LTBP1: variants seen among roughly 807,000 people sequenced by gnomAD.
LTBP1 encodes the protein latent-transforming growth factor beta-binding protein 1.
In LTBP1, 129 loss-of-function variants were observed where a neutral mutation model predicts 207.6. The ratio of observed to expected loss-of-function variants is 0.62; its 90% confidence interval spans 0.54 to 0.72. The LOEUF is 0.72. Ranked by LOEUF, LTBP1 falls within the 30% of genes least tolerant of loss-of-function variation. The probability of loss-of-function intolerance (pLI) is 0.00; values close to 1 mark genes in which losing one functional copy is unlikely to be tolerated. For missense variants in LTBP1, 2,281 were observed against 2,217.2 expected (o/e 1.03, Z -0.58); for synonymous variants, 963 against 833.7 (o/e 1.16, Z -2.67).
chr2:33,045,496 T>C (rs2076398272), intron 3 of LTBP1, among the ~76,000 whole-genome samples: 1 of 152,232 alleles, frequency 6.6e-6, no homozygotes, highest in African/African-American at 2.4e-5. Flanking sequence ...ACCAGTACAA[T>C]GCTGTTTTGG....
intron 3 of LTBP1, among the ~76,000 whole-genome samples, chr2:33,031,168 A>T (rs754403308): frequency 3.9e-5 from 6 of 152,198 alleles, no homozygotes; most frequent in African/African-American, 9.6e-5. Context: ...GTCCATGAGG[A>T]CAAGAATACA....
chr2:33,199,631 T>C (rs1455448793), intron 7 of LTBP1, among the ~76,000 whole-genome samples: 1 of 152,112 alleles, frequency 6.6e-6, no homozygotes, highest in Non-Finnish European at 1.5e-5. Flanking sequence ...CCAGGGCAAT[T>C]AGGCAGGAGA....
chr2:33,261,026 A>T (rs1356062412), intron 13 of LTBP1, among the ~76,000 whole-genome samples: 1 of 152,226 alleles, frequency 6.6e-6, no homozygotes. Flanking sequence ...TGGATGAAGA[A>T]AAGAAAGGAT....
At chr2:33,091,050 C>T (rs1326376587) in intron 3 of LTBP1, among the ~76,000 whole-genome samples, 1 of 152,184 alleles carries the variant, frequency 6.6e-6, no homozygotes, top group Non-Finnish European at 1.5e-5. Flanking sequence ...TAAGAACCAT[C>T]TAGGAATGCT....
intron 24 of LTBP1, among the ~76,000 whole-genome samples, chr2:33,323,221 G>A (rs1257322551): frequency 6.6e-6 from 1 of 152,058 alleles, no homozygotes; most frequent in East Asian, 1.9e-4. Flanking sequence ...AAAAAAACCC[G>A]ATTTTATAAT....
intron 5 of LTBP1, among the ~76,000 whole-genome samples, chr2:33,139,892 G>A (rs78733380): frequency 0.036 from 5,458 of 152,308 alleles, 134 homozygotes; most frequent in East Asian, 0.055. Flanking sequence ...ATTGGTGCAA[G>A]GCTGTGGAAC....
intron 24 of LTBP1, among the ~76,000 whole-genome samples, chr2:33,340,654 T>A (rs2094607766): frequency 6.6e-6 from 1 of 152,030 alleles, no homozygotes; most frequent in Non-Finnish European, 1.5e-5. Flanking sequence ...GGAAGTAAGA[T>A]TCTAGGTCAT....
chr2:33,389,141 A>C lies in LTBP1; in HGVS notation c.4712-43A>C. 4 of 1,612,826 alleles carry C rather than the reference A, an allele frequency of 2.5e-6. No individual in the cohort carries two copies. In the Admixed American group the frequency reaches 6.7e-5, roughly 27 times the overall value. ...GCTGCGAGGGGGTGGGGCAGGTGCG[A>C]GCTAACAGTGGTGGGGCCTCATGCT... On this transcript the variant is annotated intron_variant, in intron 31 of 33. Transcript: ENST00000404816.
intron 19 of LTBP1, among the ~76,000 whole-genome samples, chr2:33,282,002 T>C (rs2148589173): frequency 6.6e-6 from 1 of 151,318 alleles, no homozygotes; most frequent in South Asian, 2.1e-4. Flanking sequence ...ACTGATCAAA[T>C]TGGCAAGTGA....
intron 24 of LTBP1, 25 bp downstream of exon 24, chr2:33,315,294 A>G: frequency 6.2e-7 from 1 of 1,609,550 alleles, no homozygotes. Flanking sequence ...ACGAAATCAT[A>G]TTGTTGTGTG....
chr2:33,024,543 AC>A (rs1276486303), intron 3 of LTBP1, among the ~76,000 whole-genome samples: 4 of 152,188 alleles, frequency 2.6e-5, no homozygotes, highest in Admixed American at 2.0e-4. Flanking sequence ...AATTGGTTTT[AC>A]CTTTGGCTGA....
chr2:33,245,605 A>G (rs906428734), intron 10 of LTBP1, among the ~76,000 whole-genome samples: 3 of 152,200 alleles, frequency 2.0e-5, no homozygotes, highest in African/African-American at 7.2e-5. Flanking sequence ...ATAAAATTAC[A>G]TTTGCACACA....
chr2:33,219,510 T>C (rs2090952612), intron 8 of LTBP1, among the ~76,000 whole-genome samples: 1 of 152,216 alleles, frequency 6.6e-6, no homozygotes, highest in African/African-American at 2.4e-5. Flanking sequence ...CAGGAATCTA[T>C]ACCTAAAACG....
At chr2:33,040,673 A>G (rs73924125) in intron 3 of LTBP1, among the ~76,000 whole-genome samples, 173 of 152,258 alleles carry the variant, frequency 1.1e-3, no homozygotes, top group African/African-American at 3.9e-3. Context: ...CCTCCCTTGA[A>G]TGGTAATGTC....
At chr2:33,238,925 G>A (rs2092181540) in intron 9 of LTBP1, among the ~76,000 whole-genome samples, 2 of 152,048 alleles carry the variant, frequency 1.3e-5, no homozygotes, top group Non-Finnish European at 2.9e-5. Flanking sequence ...GTTTTATGTT[G>A]GGTTGTTCAT....
intron 10 of LTBP1, among the ~76,000 whole-genome samples, chr2:33,248,811 T>C (rs1302068953): frequency 2.6e-5 from 4 of 152,144 alleles, no homozygotes; most frequent in African/African-American, 9.7e-5. Context: ...GGTCTCGAAC[T>C]CCTAACCTCA....
chr2:33,077,288 C>G (rs1369797389), intron 3 of LTBP1, among the ~76,000 whole-genome samples: 1 of 152,198 alleles, frequency 6.6e-6, no homozygotes, highest in Non-Finnish European at 1.5e-5. Flanking sequence ...AAAGCTTTCT[C>G]CATTTACTGA....
chr2:32,972,688 C>T (rs547077424), intron 2 of LTBP1, among the ~76,000 whole-genome samples: 1 of 152,194 alleles, frequency 6.6e-6, no homozygotes, highest in East Asian at 1.9e-4. Context: ...ATGGTTTCTC[C>T]CATGCTGTTC....
intron 5 of LTBP1, among the ~76,000 whole-genome samples, chr2:33,169,924 T>G (rs2085266278): frequency 2.6e-5 from 4 of 152,180 alleles, no homozygotes; most frequent in African/African-American, 9.7e-5. Flanking sequence ...AGCATTGTGG[T>G]AATATAATCA....
Sources: allele counts gnomAD v4.1 joint callset (sites outside exome capture counted in the v4.1 genomes callset), GRCh38; gene constraint gnomAD v4.1.1; transcripts MANE v1.5; gene names NCBI Gene and HGNC (gene_info 2026-07-23, HGNC 2026-07-21).